Variants in ZHX2 observed in about 807,000 individuals in gnomAD.
ZHX2 encodes zinc fingers and homeoboxes protein 2.
Under a neutral mutation model 21.9 loss-of-function variants are expected in ZHX2, and 6 were observed. The observed-to-expected ratio is 0.27, with a 90% CI of 0.15 to 0.54. The LOEUF (loss-of-function observed/expected upper bound fraction) is 0.54, where lower values mean the gene tolerates loss of function less well. Among genes scored for constraint, ZHX2 ranks in the 20% least tolerant of loss-of-function variants. The pLI, the probability that ZHX2 is intolerant of heterozygous loss-of-function variation, is 0.95. For synonymous variants in ZHX2, 434 were observed against 437.1 expected (o/e 0.99, Z 0.09); for missense variants, 908 against 1,090.7 (o/e 0.83, Z 2.36).
chr8:122,937,933 G>GTTTTTTTTTTT (rs71310636), intron 2 of ZHX2, among the ~76,000 whole-genome samples: 31 of 73,376 alleles, frequency 4.2e-4, no homozygotes, highest in East Asian at 9.8e-4. Flanking sequence ...TTTCTTTTTG[G>GTTTTTTTTTTT]TTTTTTTTTT....
At chr8:122,883,702 A>T (rs923001487) in intron 2 of ZHX2, among the ~76,000 whole-genome samples, 2 of 152,256 alleles carry the variant, frequency 1.3e-5, no homozygotes, top group African/African-American at 4.8e-5. Flanking sequence ...AGTACAGTCA[A>T]TGTGGTACTT....
At chr8:122,878,615 C>T (rs900979603) in intron 2 of ZHX2, among the ~76,000 whole-genome samples, 2 of 152,144 alleles carry the variant, frequency 1.3e-5, no homozygotes, top group Admixed American at 1.3e-4. Context: ...TGGCTTGCAT[C>T]ACATCCTTAT....
chr8:122,890,406 TG>T (rs1453971009), intron 2 of ZHX2, among the ~76,000 whole-genome samples: 2 of 152,222 alleles, frequency 1.3e-5, no homozygotes, highest in African/African-American at 2.4e-5. Flanking sequence ...TCTCCAGTTT[TG>T]TTCTTTTTGC....
At chr8:122,899,909 G>A (rs939801051) in intron 2 of ZHX2, among the ~76,000 whole-genome samples, 7 of 152,226 alleles carry the variant, frequency 4.6e-5, no homozygotes, top group Admixed American at 6.5e-5. Flanking sequence ...TTTGTAGCAA[G>A]GTGGGCTGTG....
At chr8:122,841,845 T>A (rs531411300) in intron 1 of ZHX2, among the ~76,000 whole-genome samples, 1 of 152,288 alleles carries the variant, frequency 6.6e-6, no homozygotes, top group South Asian at 2.1e-4. Context: ...ATGAGGAAAC[T>A]GAAGCCCTTA....
At chr8:122,825,265 C>T (rs1172827845) in intron 1 of ZHX2, among the ~76,000 whole-genome samples, 1 of 152,222 alleles carries the variant, frequency 6.6e-6, no homozygotes, top group Non-Finnish European at 1.5e-5. Flanking sequence ...GACCCCCACA[C>T]CTTCTGTGCC....
intron 1 of ZHX2, among the ~76,000 whole-genome samples, chr8:122,854,979 C>G (rs1274388003): frequency 3.3e-5 from 5 of 152,230 alleles, no homozygotes; most frequent in Non-Finnish European, 5.9e-5. Context: ...ACACCTGATA[C>G]AGTATTCTAA....
intron 2 of ZHX2, among the ~76,000 whole-genome samples, chr8:122,898,718 T>A (rs1441400854): frequency 6.6e-6 from 1 of 152,262 alleles, no homozygotes; most frequent in East Asian, 1.9e-4. Flanking sequence ...CTTACCTGTG[T>A]TAACTCATTA....
At position 122,911,421 on chromosome 8, in the gene ZHX2, C is replaced by T. The variant is rs1820478227; in HGVS notation, c.-219-39871C>T. On this transcript the variant is annotated intron_variant, in intron 2 of 3. Transcript: ENST00000314393. The stretch of plus-strand genomic sequence containing the variant: ...CATCAAGTGTGCCTGCCCCCTGCTT[C>T]CCCTTCTCTCCTCCCCTCTACTTTC... Among the ~76,000 whole-genome samples the T allele has an allele frequency of 3.3e-5, 5 of 152,210 alleles. No homozygotes were observed. In the South Asian group the frequency reaches 8.3e-4, roughly 25 times the overall value.
chr8:122,790,019 A>AACGG (rs1817480557), intron 1 of ZHX2, among the ~76,000 whole-genome samples: 1 of 152,228 alleles, frequency 6.6e-6, no homozygotes, highest in Non-Finnish European at 1.5e-5. Context: ...CATTCCAAAG[A>AACGG]ACGGAGAACT....
intron 1 of ZHX2, among the ~76,000 whole-genome samples, chr8:122,787,414 A>G (rs372404576): frequency 2.5e-4 from 38 of 152,222 alleles, no homozygotes; most frequent in African/African-American, 5.5e-4. Flanking sequence ...TTCTTGTGCT[A>G]TTGATCCATG....
At chr8:122,831,287 G>T (rs1474126520) in intron 1 of ZHX2, among the ~76,000 whole-genome samples, 2 of 152,186 alleles carry the variant, frequency 1.3e-5, no homozygotes, top group East Asian at 3.9e-4. Context: ...AAAAGGCGGC[G>T]GCCAGAGGGA....
intron 2 of ZHX2, among the ~76,000 whole-genome samples, chr8:122,867,372 C>T (rs1421882852): frequency 1.3e-5 from 2 of 152,198 alleles, no homozygotes; most frequent in Non-Finnish European, 2.9e-5. Context: ...CTGGTGCTAA[C>T]GGAGGAGCCA....
chr8:122,901,013 GA>G (rs1194241051), intron 2 of ZHX2, among the ~76,000 whole-genome samples: 1 of 152,094 alleles, frequency 6.6e-6, no homozygotes, highest in Non-Finnish European at 1.5e-5. Flanking sequence ...GGAGTATGAA[GA>G]AAAAATATAA....
At chr8:122,781,622 C>G (rs1184712333), upstream of ZHX2, 2 of 152,504 alleles carry the variant, frequency 1.3e-5, no homozygotes, top group Non-Finnish European at 2.9e-5. The surrounding 1 kb of genome is among the most constrained non-coding windows in gnomAD (Gnocchi z 4.6). Flanking sequence ...GTGGTGGTAT[C>G]GTATGCAAAT....
intron 2 of ZHX2, among the ~76,000 whole-genome samples, chr8:122,925,126 A>C (rs1446011630): frequency 6.6e-6 from 1 of 152,238 alleles, no homozygotes; most frequent in African/African-American, 2.4e-5. Flanking sequence ...TCAGCATTTG[A>C]GATTTGTATC....
At position 122,938,586 on chromosome 8, in the gene ZHX2, C is replaced by A. The variant is rs546051218; in HGVS notation, c.-219-12706C>A. On this transcript the variant is annotated intron_variant, in intron 2 of 3. Coordinates refer to ENST00000314393, the MANE Select transcript of ZHX2 (RefSeq NM_014943.5). ...GCACAGTGGCTCACACCTGTAATCC[C>A]AGCACTTTGGGAGGCTGAGGCAGGC... 8.5e-5 allele frequency among the ~76,000 whole-genome samples: 13 copies of A among 152,216 alleles called. No individual in the cohort carries two copies. The South Asian group carries it at 2.7e-3, about 32-fold the overall frequency.
chr8:122,803,566 T>C (rs28606660), intron 1 of ZHX2, among the ~76,000 whole-genome samples: 34,953 of 152,234 alleles, frequency 0.23, 4,309 homozygotes, highest in Middle Eastern at 0.34. Context: ...GCAGCACCTC[T>C]CCTCCAGCTG....
chr8:122,957,615 G>A (rs779263933), intron 3 of ZHX2, among the ~76,000 whole-genome samples: 10 of 152,082 alleles, frequency 6.6e-5, no homozygotes, highest in Non-Finnish European at 8.8e-5. Context: ...CTACAGGCAC[G>A]TGCCACCATA....
Sources: allele counts gnomAD v4.1 joint callset (sites outside exome capture counted in the v4.1 genomes callset), GRCh38; gene constraint gnomAD v4.1.1; non-coding constraint Gnocchi (gnomAD v3.1); transcripts MANE v1.5; gene names NCBI Gene and HGNC (gene_info 2026-07-23, HGNC 2026-07-21).